SEC14L5: variants seen among roughly 807,000 people sequenced by gnomAD.
SEC14L5 encodes SEC14-like protein 5.
A neutral mutation model predicts 84.6 loss-of-function variants in SEC14L5; 96 were observed. That is an observed-to-expected ratio of 1.13 (90% CI 0.96 to 1.34). The LOEUF (loss-of-function observed/expected upper bound fraction) is 1.34, where lower values mean the gene tolerates loss of function less well. Ranked by LOEUF, SEC14L5 falls within the 40% of genes most tolerant of loss-of-function variation. SEC14L5 has a pLI of 0.00. For missense variants in SEC14L5, 1,224 were observed against 942.5 expected (o/e 1.30, Z -3.91); for synonymous variants, 546 against 383.4 (o/e 1.42, Z -4.95).
chr16:4,987,625 G>C lies in SEC14L5; in HGVS notation c.132G>C (p.Glu44Asp). 5.1e-6 allele frequency: 8 copies of C among 1,558,152 alleles called. No homozygotes were observed. The South Asian group carries it at 5.9e-5, about 12-fold the overall frequency. ...PVFLGSEVLR[E>D]SRSPDGAVHV... ...TCCTGGGCAGCGAGGTCTTGCGCGA[G>C]TCCCGCAGCCCGGACGGGGCTGTGC... Residue 44 changes from glutamate (E) to aspartate (D), a missense_variant, in exon 3 of 16, where the codon GAG becomes GAC. Transcript: ENST00000251170.
intron 2 of SEC14L5, among the ~76,000 whole-genome samples, chr16:4,974,220 T>C (rs1403181278): frequency 6.6e-6 from 1 of 152,026 alleles, no homozygotes; most frequent in Non-Finnish European, 1.5e-5. Flanking sequence ...ACTGCATACT[T>C]TATATTTTAT....
At chr16:4,997,992 A>G (rs1955629776) in intron 8 of SEC14L5, among the ~76,000 whole-genome samples, 1 of 138,310 alleles carries the variant, frequency 7.2e-6, no homozygotes, top group African/African-American at 2.7e-5. Flanking sequence ...ACACCTGCAC[A>G]GACTCTAGTT....
Position 5,005,997 on chromosome 16 carries a change from G to A in SEC14L5, c.1386G>A (p.Val462=). Residue 462 remains valine (V), a synonymous_variant, in exon 12 of 16, where the codon GTG becomes GTA. Coordinates refer to ENST00000251170, the MANE Select transcript of SEC14L5 (RefSeq NM_014692.2). The part of the protein sequence containing the change: ...GSNYQGPGGL[V]DYLDREVIPD... Reference sequence around the variant, plus strand: ...ACTACCAGGGACCCGGAGGCCTTGTGGACTATCTGGATAGAGAAGTGATCC... The same window carrying A: ...ACTACCAGGGACCCGGAGGCCTTGTAGACTATCTGGATAGAGAAGTGATCC... 1 of 1,613,868 alleles carries A rather than the reference G, an allele frequency of 6.2e-7. No homozygotes were observed. The highest frequency in any genetic ancestry group is 8.5e-7 in the Non-Finnish European group (1 of 1,179,816).
At chr16:5,009,237 C>T (rs1955771817) in intron 14 of SEC14L5, among the ~76,000 whole-genome samples, 1 of 152,132 alleles carries the variant, frequency 6.6e-6, no homozygotes, top group Non-Finnish European at 1.5e-5. Flanking sequence ...GTCTGTCTCT[C>T]TTCTGAGTCT....
chr16:4,978,486 A>G (rs1172937118), intron 2 of SEC14L5, among the ~76,000 whole-genome samples: 1 of 140,166 alleles, frequency 7.1e-6, no homozygotes, highest in Non-Finnish European at 1.5e-5. Flanking sequence ...TGGCATAATC[A>G]TAGCTCATTG....
At position 5,003,578 on chromosome 16, in the gene SEC14L5, G is replaced by A. The variant is rs370305201; in HGVS notation, c.1302+5G>A. The A allele has an allele frequency of 1.9e-6, 3 of 1,543,246 alleles. No homozygotes were observed. ...TTCCCCGTGCTCTGGACACTGGTAA[G>A]AGCTGGAGCCTGGGCCAGGACTCTC... On this transcript the variant is annotated splice_donor_5th_base_variant and intron_variant, in intron 11 of 15. Transcript: ENST00000251170.
At chr16:4,988,864 T>A (rs1007472449) in intron 4 of SEC14L5, among the ~76,000 whole-genome samples, 10 of 152,260 alleles carry the variant, frequency 6.6e-5, no homozygotes, top group African/African-American at 2.4e-4. Context: ...CCAGGCTGCC[T>A]GACCACTGCC....
intron 7 of SEC14L5, 97 bp downstream of exon 7, chr16:4,996,557 C>G: frequency 1.5e-6 from 1 of 664,318 alleles, no homozygotes; most frequent in Non-Finnish European, 2.7e-6. Context: ...ATAATGCTGA[C>G]ACATTATCTC....
chr16:4,984,373 T>A (rs1245765771), intron 2 of SEC14L5, among the ~76,000 whole-genome samples: 1 of 152,252 alleles, frequency 6.6e-6, no homozygotes, highest in Non-Finnish European at 1.5e-5. Flanking sequence ...AGTACCTTGT[T>A]CCTTTTTAAG....
At chr16:4,963,446 A>G (rs1448729179) in intron 2 of SEC14L5, among the ~76,000 whole-genome samples, 1 of 152,064 alleles carries the variant, frequency 6.6e-6, no homozygotes, top group Non-Finnish European at 1.5e-5. Flanking sequence ...TCTGGGTTCA[A>G]GTGATTCTCT....
chr16:4,966,131 A>G (rs1955197484), intron 2 of SEC14L5, among the ~76,000 whole-genome samples: 1 of 152,128 alleles, frequency 6.6e-6, no homozygotes, highest in Non-Finnish European at 1.5e-5. Context: ...ATGCCTGGCT[A>G]ATTTTTTCTA....
intron 2 of SEC14L5, among the ~76,000 whole-genome samples, chr16:4,978,053 C>T (rs1326503811): frequency 2.7e-5 from 4 of 148,476 alleles, no homozygotes; most frequent in Non-Finnish European, 5.9e-5. Flanking sequence ...CCACCTGCCT[C>T]GGCCTCCCAA....
At chr16:4,986,841 A>C (rs901887477) in intron 2 of SEC14L5, among the ~76,000 whole-genome samples, 3 of 152,332 alleles carry the variant, frequency 2.0e-5, no homozygotes, top group East Asian at 1.9e-4. Flanking sequence ...TTGTTAGTAC[A>C]TAGAAATACA....
chr16:4,978,499 G>A (rs1007984794), intron 2 of SEC14L5, among the ~76,000 whole-genome samples: 1 of 141,056 alleles, frequency 7.1e-6, no homozygotes, highest in Non-Finnish European at 1.5e-5. Context: ...GCTCATTGCA[G>A]CCTTGACCTT....
intron 2 of SEC14L5, among the ~76,000 whole-genome samples, chr16:4,983,098 G>T (rs1210586352): frequency 6.6e-6 from 1 of 152,066 alleles, no homozygotes; most frequent in African/African-American, 2.4e-5. Context: ...TGCTTCCTGG[G>T]TTCAAGCGAT....
chr16:4,962,922 C>T (rs566826101), intron 2 of SEC14L5, among the ~76,000 whole-genome samples: 128 of 152,316 alleles, frequency 8.4e-4, no homozygotes, highest in African/African-American at 2.5e-3. Flanking sequence ...ACTGTGGAAG[C>T]ACAAAAGGGG....
chr16:4,987,554 C>A lies in SEC14L5; in HGVS notation c.64-3C>A. The A allele has an allele frequency of 6.5e-7, 1 of 1,550,312 alleles. No individual in the cohort carries two copies. Among genetic ancestry groups the A allele is most frequent in the Non-Finnish European group, 8.7e-7 (1 of 1,148,090 alleles). ...CGGCCGCTCACTGCCGCTCTGCCCC[C>A]AGGCCTACGAGAAGCGTTTCCCCAC... On this transcript the variant is annotated splice_polypyrimidine_tract_variant and splice_region_variant and intron_variant, in intron 2 of 15. Transcript: ENST00000251170.
chr16:4,964,126 G>C (rs1955164013), intron 2 of SEC14L5, among the ~76,000 whole-genome samples: 1 of 152,210 alleles, frequency 6.6e-6, no homozygotes, highest in Admixed American at 6.5e-5. Flanking sequence ...TCAGTCCTTT[G>C]AATGCCCGGG....
Position 4,991,786 on chromosome 16 carries a change from C to A in SEC14L5, c.475-52C>A. 3 of 1,314,070 alleles carry A rather than the reference C, an allele frequency of 2.3e-6. 1 individual carries two copies. The highest frequency in any genetic ancestry group is 2.9e-5 in the South Asian group (2 of 68,698). 81.4% of individuals were successfully genotyped at this position (1,314,070 alleles called of 1,614,324 possible). A position where few individuals can be genotyped will look rare whatever the true frequency, so the allele number is the denominator to read the frequency against. ...TGACTCCCTGTGGTGATCCTGTGAC[C>A]CCCCTCCATCCTGCCCCGTGCTCAT... On this transcript the variant is annotated intron_variant, in intron 5 of 15. Coordinates refer to ENST00000251170, the MANE Select transcript of SEC14L5 (RefSeq NM_014692.2).
Sources: allele counts gnomAD v4.1 joint callset (sites outside exome capture counted in the v4.1 genomes callset), GRCh38; gene constraint gnomAD v4.1.1; transcripts MANE v1.5; gene names NCBI Gene and HGNC (gene_info 2026-07-23, HGNC 2026-07-21).